Variants in FAM135A observed in about 807,000 individuals in gnomAD.
FAM135A encodes the protein family with sequence similarity 135 member A, also known as protein FAM135A.
A neutral mutation model predicts 146.8 loss-of-function variants in FAM135A; 79 were observed. That is an observed-to-expected ratio of 0.54 (90% CI 0.45 to 0.65). FAM135A has a LOEUF of 0.65. FAM135A is among the 30% of genes least tolerant of loss of function. The pLI, the probability that FAM135A is intolerant of heterozygous loss-of-function variation, is 0.00. For synonymous variants in FAM135A, 562 were observed against 603.6 expected (o/e 0.93, Z 1.01); for missense variants, 1,623 against 1,758.2 (o/e 0.92, Z 1.38).
intron 21 of FAM135A, among the ~76,000 whole-genome samples, chr6:70,559,511 A>G (rs1421534522): frequency 6.6e-6 from 1 of 152,148 alleles, no homozygotes; most frequent in Non-Finnish European, 1.5e-5. Flanking sequence ...CCACTTGACT[A>G]GATAATGTGA....
At chr6:70,483,687 A>G (rs899217060) in intron 10 of FAM135A, among the ~76,000 whole-genome samples, 35 of 152,232 alleles carry the variant, frequency 2.3e-4, no homozygotes, top group African/African-American at 8.0e-4. Context: ...TTTAATGACC[A>G]GACCACAAAA....
At chr6:70,522,489 A>G in intron 12 of FAM135A, 24 bp from the exon 13 acceptor site, 2 of 1,608,748 alleles carry the variant, frequency 1.2e-6, no homozygotes, top group East Asian at 2.2e-5. Context: ...CATGTTATTA[A>G]TACTCTCCTT....
chr6:70,432,163 T>A (rs149874247), intron 4 of FAM135A, among the ~76,000 whole-genome samples: 2,081 of 152,244 alleles, frequency 0.014, 17 homozygotes, highest in Non-Finnish European at 0.018. Flanking sequence ...ACAAACACAT[T>A]CTTTTAGCCA....
chr6:70,538,586 G>T (rs1049063009), intron 20 of FAM135A, among the ~76,000 whole-genome samples, 185 bp downstream of exon 20: 6 of 151,874 alleles, frequency 4.0e-5, no homozygotes, highest in African/African-American at 1.2e-4. Flanking sequence ...GATTTCTTTA[G>T]TCTTTTTCAC....
chr6:70,490,637 T>A (rs970208898), intron 10 of FAM135A, among the ~76,000 whole-genome samples: 3 of 152,086 alleles, frequency 2.0e-5, no homozygotes, highest in Non-Finnish European at 4.4e-5. Context: ...ATTTTAGGAA[T>A]AGCTTTTGTA....
chr6:70,513,519 A>G (rs1791524360), intron 12 of FAM135A, among the ~76,000 whole-genome samples: 1 of 151,456 alleles, frequency 6.6e-6, no homozygotes, highest in East Asian at 1.9e-4. Context: ...ATAGCTTCCT[A>G]TCTAGCTCCC....
chr6:70,514,355 C>T (rs997559198), intron 12 of FAM135A, among the ~76,000 whole-genome samples: 33 of 152,076 alleles, frequency 2.2e-4, no homozygotes, highest in Non-Finnish European at 3.5e-4. Flanking sequence ...TATAATACTT[C>T]CATTTTTATG....
intron 12 of FAM135A, among the ~76,000 whole-genome samples, chr6:70,509,814 C>G (rs1280052055): frequency 6.6e-6 from 1 of 152,036 alleles, no homozygotes; most frequent in Non-Finnish European, 1.5e-5. Flanking sequence ...AGATGCAGAC[C>G]TGATATTTCC....
intron 20 of FAM135A, among the ~76,000 whole-genome samples, chr6:70,556,483 C>T (rs1800857359): frequency 6.6e-6 from 1 of 152,076 alleles, no homozygotes; most frequent in South Asian, 2.1e-4. Context: ...ATATTCTGTT[C>T]CCGCCTATCT....
At chr6:70,422,143 T>C (rs973078330) in intron 2 of FAM135A, among the ~76,000 whole-genome samples, 1 of 152,184 alleles carries the variant, frequency 6.6e-6, no homozygotes, top group Non-Finnish European at 1.5e-5. Context: ...GTTGGTGGCA[T>C]CTAAAATTAA....
At chr6:70,481,536 G>A (rs1284242640) in intron 9 of FAM135A, among the ~76,000 whole-genome samples, 1 of 152,008 alleles carries the variant, frequency 6.6e-6, no homozygotes, top group Admixed American at 6.6e-5. Flanking sequence ...GGGAGCCTGA[G>A]GCAGGTGAAT....
chr6:70,449,882 G>A (rs142703163), intron 4 of FAM135A, among the ~76,000 whole-genome samples: 50 of 152,266 alleles, frequency 3.3e-4, no homozygotes, highest in African/African-American at 1.2e-3. Context: ...CTCACCAATA[G>A]TGTGCAGTGG....
intron 9 of FAM135A, 44 bp downstream of exon 9, chr6:70,481,071 G>A (rs759255574): frequency 1.3e-6 from 2 of 1,484,816 alleles, no homozygotes; most frequent in Non-Finnish European, 1.8e-6. Flanking sequence ...TATTTTAAAA[G>A]AAGTGTTTTT....
chr6:70,483,159 T>G lies in FAM135A; in HGVS notation c.823+1005T>G, dbSNP rs1784046979. On this transcript the variant is annotated intron_variant, in intron 10 of 21. Transcript: ENST00000418814. The stretch of plus-strand genomic sequence containing the variant: ...AAAGTGTAAGAATTTCTACCCCACT[T>G]AAATTCAGCTGTGAGAAAATGCTGG... Among the ~76,000 whole-genome samples, 3 of 152,174 alleles carry G rather than the reference T, an allele frequency of 2.0e-5. No homozygotes were observed. In the South Asian group the frequency reaches 6.2e-4, roughly 31 times the overall value.
Position 70,524,377 on chromosome 6 carries a change from T to G in FAM135A, c.1293T>G (p.Leu431=). 5.3e-6 allele frequency: 8 copies of G among 1,501,448 alleles called. No individual in the cohort carries two copies. Among genetic ancestry groups the G allele is most frequent in the Non-Finnish European group, 7.1e-6 (8 of 1,130,994 alleles). The allele number at this position is 1,501,448 out of a possible 1,614,324, so 93.0% of individuals were successfully genotyped here. ...CACCCTGGATGGGAATTCAGAATCT[T>G]CAGAGATCAGAGTCCAGTAAAATGG... is the stretch of plus-strand genomic sequence containing the variant. The part of the protein sequence containing the change: ...LDAPWMGIQN[L]QRSESSKMDK... The change falls in exon 15 of 22, where the codon CTT becomes CTG. Residue 431 remains leucine, a synonymous_variant. Transcript: ENST00000418814.
In FAM135A at chr6:70,413,729, T is replaced by C. The variant is rs577597096; in HGVS notation, c.-220+27T>C. 1.1e-4 allele frequency: 93 copies of C among 861,322 alleles called. 1 individual carries two copies. In the South Asian group the frequency reaches 4.4e-3, roughly 40 times the overall value. 53.4% of individuals were successfully genotyped at this position (861,322 alleles called of 1,614,324 possible). ...TAACCCCCTTACTGTCCCCTCTGGC[T>C]CCCCCGGCTCCCGACACCCACGACC... On this transcript the variant is annotated intron_variant, in intron 1 of 21. Transcript: ENST00000418814.
At chr6:70,521,184 A>G (rs1327530653) in intron 12 of FAM135A, among the ~76,000 whole-genome samples, 1 of 152,102 alleles carries the variant, frequency 6.6e-6, no homozygotes, top group African/African-American at 2.4e-5. Context: ...TAGTGTGGAG[A>G]CTATGAGGTA....
intron 20 of FAM135A, among the ~76,000 whole-genome samples, chr6:70,549,237 A>T (rs577241072): frequency 6.6e-6 from 1 of 152,282 alleles, no homozygotes; most frequent in South Asian, 2.1e-4. Flanking sequence ...AGTGGAATCG[A>T]CATAAATGTC....
chr6:70,510,964 A>C (rs549391950), intron 12 of FAM135A, among the ~76,000 whole-genome samples: 1 of 152,096 alleles, frequency 6.6e-6, no homozygotes, highest in African/African-American at 2.4e-5. Flanking sequence ...GGTTTTTATC[A>C]TGGCCAACCT....
Sources: gnomAD v4.1 joint callset for allele counts (sites outside exome capture counted in the v4.1 genomes callset) on GRCh38, gnomAD v4.1.1 for gene constraint, MANE v1.5 for transcripts, NCBI Gene and HGNC (gene_info 2026-07-23, HGNC 2026-07-21) for gene names.